MYT1L: variants seen among roughly 807,000 people sequenced by gnomAD.
The protein encoded by MYT1L is myelin transcription factor 1-like protein.
Under a neutral mutation model 126.7 loss-of-function variants are expected in MYT1L, and 12 were observed. That is an observed-to-expected ratio of 0.09 (90% CI 0.06 to 0.15). MYT1L has a LOEUF of 0.15. Ranked by LOEUF, MYT1L falls within the 10% of genes least tolerant of loss-of-function variation. The pLI is 1.00. For synonymous variants in MYT1L, 541 were observed against 604.2 expected (o/e 0.90, Z 1.53); for missense variants, 979 against 1,585.2 (o/e 0.62, Z 6.49).
At chr2:1,839,396 TTTA>T (rs2041346849) in intron 20 of MYT1L, 26 bp from the exon 21 acceptor site, 1 of 1,591,034 alleles carries the variant, frequency 6.3e-7, no homozygotes, top group African/African-American at 1.3e-5. Context: ...GGTGACACAC[TTTA>T]TTGTCTGGCC....
chr2:2,253,564 A>C (rs2094717056), intron 2 of MYT1L, among the ~76,000 whole-genome samples: 1 of 152,234 alleles, frequency 6.6e-6, no homozygotes, highest in South Asian at 2.1e-4. Flanking sequence ...AAGGGCATGC[A>C]AAGTAAAACA....
chr2:1,979,908 T>G lies in MYT1L; in HGVS notation c.1-131A>C. 1.2e-6 allele frequency: 1 copy of G among 860,734 alleles called. No homozygotes were observed. The highest frequency in any genetic ancestry group is 2.6e-5 in the East Asian group (1 of 38,168). 53.3% of individuals were successfully genotyped at this position (860,734 alleles called of 1,614,324 possible). On this transcript the variant is annotated intron_variant, in intron 5 of 24. Transcript: ENST00000647738. The surrounding 1 kb of genome is among the most constrained non-coding windows in gnomAD (Gnocchi z 4.0). Reference sequence around the variant, plus strand: ...TGTTTCCCTCCATGAAGGGAAGCCCTCTACAAGGGCAGGGGGTAAGACCAG... The same window carrying G: ...TGTTTCCCTCCATGAAGGGAAGCCCGCTACAAGGGCAGGGGGTAAGACCAG...
chr2:2,131,463 A>G (rs1559099783), intron 3 of MYT1L, among the ~76,000 whole-genome samples: 2 of 152,280 alleles, frequency 1.3e-5, no homozygotes, highest in South Asian at 4.2e-4. Context: ...TTTATTGGTG[A>G]AAGGGGCTGC....
At chr2:2,053,731 G>T (rs575385635) in intron 4 of MYT1L, among the ~76,000 whole-genome samples, 1 of 152,186 alleles carries the variant, frequency 6.6e-6, no homozygotes, top group Non-Finnish European at 1.5e-5. Flanking sequence ...TTCTTCTTTT[G>T]GGTGATGTTA....
Position 1,979,081 on chromosome 2 carries a change from G to T in MYT1L, c.152+84C>A. On this transcript the variant is annotated intron_variant, in intron 8 of 24. Coordinates refer to ENST00000647738, the MANE Select transcript of MYT1L (RefSeq NM_001303052.2). This position sits in a 1 kb window ranked among gnomAD's most constrained non-coding sequence, Gnocchi z 4.0. ...TGTGTATTGCTTTCCAAGAACACCT[G>T]CTCACACAGTTCATCATCAGGACTG... 1 of 1,092,034 alleles carries T rather than the reference G, an allele frequency of 9.2e-7. No homozygotes were observed. Among genetic ancestry groups the T allele is most frequent in the Non-Finnish European group, 1.4e-6 (1 of 728,858 alleles). The allele number at this position is 1,092,034 out of a possible 1,614,324, so 67.6% of individuals were successfully genotyped here.
At chr2:1,911,605 T>C (rs1325472108) in intron 12 of MYT1L, among the ~76,000 whole-genome samples, 1 of 152,114 alleles carries the variant, frequency 6.6e-6, no homozygotes, top group Non-Finnish European at 1.5e-5. Context: ...AAGACGTCCA[T>C]ACTTGTGACC....
chr2:1,962,057 A>T (rs1444477492), intron 8 of MYT1L, among the ~76,000 whole-genome samples: 1 of 152,274 alleles, frequency 6.6e-6, no homozygotes, highest in Admixed American at 6.5e-5. Context: ...AAATTATCAC[A>T]TGTACTATGA....
chr2:2,025,390 G>A (rs561421978), intron 4 of MYT1L, among the ~76,000 whole-genome samples: 1 of 152,360 alleles, frequency 6.6e-6, no homozygotes, highest in Non-Finnish European at 1.5e-5. Flanking sequence ...CCTTGAATGT[G>A]AGGGCTGTGC....
chr2:2,109,875 T>TTATATATATATATATA (rs58549168), intron 3 of MYT1L, among the ~76,000 whole-genome samples: 8 of 63,884 alleles, frequency 1.3e-4, no homozygotes, highest in South Asian at 5.3e-4. Flanking sequence ...AGTGCTGATT[T>TTATATATATATATATA]TATATATATA....
intron 2 of MYT1L, among the ~76,000 whole-genome samples, chr2:2,221,110 T>G (rs1032688110): frequency 1.3e-5 from 2 of 152,200 alleles, no homozygotes; most frequent in African/African-American, 4.8e-5. Context: ...TTCTCCTAAA[T>G]TGTGCTTCTT....
At chr2:2,239,698 C>G (rs2094399136) in intron 2 of MYT1L, among the ~76,000 whole-genome samples, 1 of 152,196 alleles carries the variant, frequency 6.6e-6, no homozygotes, top group African/African-American at 2.4e-5. Context: ...TTTCCTCTTT[C>G]TCCCCAGTGG....
chr2:2,120,734 C>T (rs1389791972), intron 3 of MYT1L, among the ~76,000 whole-genome samples: 2 of 152,034 alleles, frequency 1.3e-5, no homozygotes, highest in Non-Finnish European at 2.9e-5. Context: ...TTGTAAATTA[C>T]GAAAGATGAT....
chr2:1,908,560 A>G (rs1261621500), intron 13 of MYT1L, among the ~76,000 whole-genome samples: 1 of 152,188 alleles, frequency 6.6e-6, no homozygotes, highest in Non-Finnish European at 1.5e-5. Flanking sequence ...GCTGAAGAAA[A>G]TTCATAAAAG....
chr2:2,325,605 G>A (rs1357447246), intron 1 of MYT1L: 1 of 152,132 alleles, frequency 6.6e-6, no homozygotes, highest in Non-Finnish European at 1.5e-5. Flanking sequence ...TTTTACTCTG[G>A]TGGTGACCAT....
chr2:1,915,657 A>G lies in MYT1L; in HGVS notation c.1618+1548T>C, dbSNP rs1226255748. On this transcript the variant is annotated intron_variant, in intron 11 of 24. Transcript: ENST00000647738. ...AGAGCTGCAAGGTGCTGGGTGTCACATCGTGTGTTCAGACAGAAACTGGAA... is the reference window on the plus strand; with the variant it reads ...AGAGCTGCAAGGTGCTGGGTGTCACGTCGTGTGTTCAGACAGAAACTGGAA... Among the ~76,000 whole-genome samples, 22 of 152,192 alleles carry G rather than the reference A, an allele frequency of 1.4e-4. 1 individual carries two copies. The highest frequency in any genetic ancestry group is 1.4e-3 in the Admixed American group (22 of 15,272).
intron 1 of MYT1L, among the ~76,000 whole-genome samples, chr2:2,307,360 T>C (rs2095872097): frequency 6.6e-6 from 1 of 152,114 alleles, no homozygotes; most frequent in Non-Finnish European, 1.5e-5. Flanking sequence ...TGTGGCGTCA[T>C]GGCTACTATT....
intron 18 of MYT1L, among the ~76,000 whole-genome samples, chr2:1,876,076 G>T (rs1179280189): frequency 6.6e-6 from 1 of 152,216 alleles, no homozygotes; most frequent in Non-Finnish European, 1.5e-5. Context: ...CAGTGATATT[G>T]AAAGTCTCTT....
intron 13 of MYT1L, 29 bp from the exon 14 acceptor site, chr2:1,903,323 G>T (rs376422338): frequency 6.6e-5 from 104 of 1,574,376 alleles, no homozygotes; most frequent in Non-Finnish European, 8.5e-5. Context: ...ACAAACAACA[G>T]CTTGCTTTCC....
At chr2:2,299,324 C>T (rs540238765) in intron 1 of MYT1L, among the ~76,000 whole-genome samples, 34 of 152,328 alleles carry the variant, frequency 2.2e-4, no homozygotes, top group African/African-American at 7.2e-4. Context: ...TGGTGCCTAG[C>T]GGCCCATGTG....
Sources: gnomAD v4.1 joint callset for allele counts (sites outside exome capture counted in the v4.1 genomes callset) on GRCh38, gnomAD v4.1.1 for gene constraint, Gnocchi (gnomAD v3.1) non-coding constraint, MANE v1.5 for transcripts, NCBI Gene and HGNC (gene_info 2026-07-23, HGNC 2026-07-21) for gene names.